The following SLC28A1 variants were observed in gnomAD, a reference collection of about 807,000 sequenced individuals.
SLC28A1 encodes sodium/nucleoside cotransporter 1.
A neutral mutation model predicts 74.8 loss-of-function variants in SLC28A1; 64 were observed. The ratio of observed to expected loss-of-function variants is 0.86; its 90% CI spans 0.70 to 1.05. The LOEUF is 1.05. Ranked by LOEUF, SLC28A1 falls within the 50% of genes least tolerant of loss-of-function variation. SLC28A1 has a pLI of 0.00. For synonymous variants in SLC28A1, 359 were observed against 335.0 expected, an observed-to-expected ratio of 1.07 and a Z score of -0.78; for missense variants, 828 against 822.8, an observed-to-expected ratio of 1.01 and a Z score of -0.08.
At chr15:84,885,442 G>A (rs147717258) in intron 1 of SLC28A1, among the ~76,000 whole-genome samples, 4 of 151,806 alleles carry the variant, frequency 2.6e-5, no homozygotes, top group African/African-American at 9.7e-5. Flanking sequence ...AAAAAAAAGT[G>A]GAGAAAAGGC....
chr15:84,946,216 A>G (rs775825642), downstream of SLC28A1, among the ~76,000 whole-genome samples: 17 of 143,714 alleles, frequency 1.2e-4, no homozygotes, highest in East Asian at 2.1e-4. Context: ...TGGCTTCCCA[A>G]TGTGTTGGGA....
chr15:84,959,179 T>G, the SLC28A1 span, among the ~76,000 whole-genome samples: 1 of 151,526 alleles, frequency 6.6e-6, no homozygotes, highest in Non-Finnish European at 1.5e-5. Flanking sequence ...TCACAGCTCA[T>G]TGCAGCCTCG....
At chr15:84,885,257 CCT>C (rs1265186314) in intron 1 of SLC28A1, among the ~76,000 whole-genome samples, 2 of 151,142 alleles carry the variant, frequency 1.3e-5, no homozygotes, top group Non-Finnish European at 2.9e-5. Context: ...CCGTGCCCCC[CCT>C]CTTTTTTTTT....
Position 84,890,464 on chromosome 15 carries a change from G to C in SLC28A1, c.207G>C (p.Leu69=). 1 of 1,610,002 alleles carries C rather than the reference G, an allele frequency of 6.2e-7. No homozygotes were observed. Among genetic ancestry groups the C allele is most frequent in the Non-Finnish European group, 8.5e-7 (1 of 1,179,212 alleles). ...FSRWRNLQPA[L]RARSFCREHM... ...CCAGGAGGAACCTGCAGCCAGCCCT[G>C]AGAGCCAGAAGCTTCTGCAGGGAGC... Residue 69 remains leucine, a synonymous_variant, in exon 5 of 19, where the codon CTG becomes CTC. Transcript: ENST00000394573.
rs1567172446 is a variant in SLC28A1 at position 84,928,589 on chromosome 15, TCTTTCTTTCTTTC to T, written c.1083+4480_1083+4492del. ...TTCTTTCTTTCTTTCTTTCTTTCTT[TCTTTCTTTCTTTC>T]TTTTCTTTCTTTCTTTTCTTTCTTT... On this transcript the variant is annotated intron_variant, in intron 12 of 18. Transcript: ENST00000394573. Among the ~76,000 whole-genome samples the T allele has an allele frequency of 6.9e-3, 132 of 19,228 alleles. 22 individuals carry two copies. Among genetic ancestry groups the T allele is most frequent in the African/African-American group, 0.046 (116 of 2,498 alleles). 12.6% of individuals were successfully genotyped at this position (19,228 alleles called of 152,430 possible). A position where few individuals can be genotyped will look rare whatever the true frequency, so the allele number is the denominator to read the frequency against.
intron 15 of SLC28A1, 42 bp downstream of exon 15, chr15:84,935,560 G>C: frequency 6.4e-7 from 1 of 1,555,886 alleles, no homozygotes; most frequent in African/African-American, 1.3e-5. Flanking sequence ...GGGATGACAC[G>C]GCACAGCCAC....
chr15:84,930,002 T>A (rs1260185133), intron 12 of SLC28A1, among the ~76,000 whole-genome samples: 1 of 152,216 alleles, frequency 6.6e-6, no homozygotes, highest in African/African-American at 2.4e-5. Flanking sequence ...GGGTGTGGGC[T>A]GGCCCAGTGC....
At chr15:84,923,256 C>G (rs1970066521) in intron 11 of SLC28A1, among the ~76,000 whole-genome samples, 1 of 152,070 alleles carries the variant, frequency 6.6e-6, no homozygotes, top group Non-Finnish European at 1.5e-5. Context: ...TTTAAACACC[C>G]CTAACCAGTA....
intron 6 of SLC28A1, among the ~76,000 whole-genome samples, chr15:84,903,810 C>A (rs1353158334): frequency 6.6e-6 from 1 of 152,112 alleles, no homozygotes; most frequent in African/African-American, 2.4e-5. Flanking sequence ...TACATATATC[C>A]CCTTATATAA....
At position 84,884,685 on chromosome 15, in the gene SLC28A1, G is replaced by A. The variant is rs930097331; in HGVS notation, c.-199G>A. 1.1e-5 allele frequency: 11 copies of A among 984,796 alleles called. No homozygotes were observed. The African/African-American group carries it at 1.9e-4, about 17-fold the overall frequency. The allele number at this position is 984,796 out of a possible 1,614,324, so 61.0% of individuals were successfully genotyped here. A position where few individuals can be genotyped will look rare whatever the true frequency, so the allele number is the denominator to read the frequency against. On this transcript the variant is annotated 5_prime_UTR_variant, in exon 1 of 19. Transcript: ENST00000394573. ...CACAACGATGTGAAGGTTATAAGCT[G>A]CACTGCATGGTTGCTGCTGGATGTG... is the stretch of plus-strand genomic sequence containing the variant.
At chr15:84,921,113 C>A (rs1326505933) in intron 11 of SLC28A1, 44 bp downstream of exon 11, 1 of 1,446,574 alleles carries the variant, frequency 6.9e-7, no homozygotes. Context: ...CAGCAGCTTC[C>A]CCAAAGAGGG....
intron 5 of SLC28A1, among the ~76,000 whole-genome samples, chr15:84,894,542 C>T (rs1200205897): frequency 6.6e-6 from 1 of 152,146 alleles, no homozygotes; most frequent in African/African-American, 2.4e-5. Context: ...AGTCCGAGCA[C>T]ACATGTGTAA....
chr15:84,934,924 T>C, intron 13 of SLC28A1, 102 bp from the exon 14 acceptor site: 2 of 1,003,412 alleles, frequency 2.0e-6, no homozygotes, highest in Non-Finnish European at 1.6e-6. Flanking sequence ...GATTTCCCGC[T>C]CTGAAATGCT....
At chr15:84,961,211 C>T in the SLC28A1 span, among the ~76,000 whole-genome samples, 1 of 152,088 alleles carries the variant, frequency 6.6e-6, no homozygotes, top group Non-Finnish European at 1.5e-5. Context: ...CAGCCTGCCT[C>T]TTTTGAGAAC....
rs1966437006 is a variant in SLC28A1 at position 84,899,940 on chromosome 15, A to AAGGAAGGAAGGAAGGAAGGAAGG, written c.462-4156_462-4155insGGAAGGAAGGAAGGAAGGAAGGA. 2.3e-4 allele frequency among the ~76,000 whole-genome samples: 32 copies of AAGGAAGGAAGGAAGGAAGGAAGG among 136,924 alleles called. No individual in the cohort carries two copies. In the South Asian group the frequency reaches 5.0e-3, roughly 21 times the overall value. The allele number at this position is 136,924 out of a possible 152,430, so 89.8% of individuals were successfully genotyped here. A position where few individuals can be genotyped will look rare whatever the true frequency, so the allele number is the denominator to read the frequency against. On this transcript the variant is annotated intron_variant, in intron 6 of 18. Transcript: ENST00000394573. ...GAGGGAAAGAGGGAAAGAAAGAAAG[A>AAGGAAGGAAGGAAGGAAGGAAGG]AAGGAAGGAAGGAAGGAAGGAAGGA...
chr15:84,974,490 G>A, the SLC28A1 span, among the ~76,000 whole-genome samples: 1 of 152,310 alleles, frequency 6.6e-6, no homozygotes, highest in Non-Finnish European at 1.5e-5. Flanking sequence ...CGATGCTAAT[G>A]CCAACCTGGC....
chr15:84,916,240 C>CAGGTGTGACCCACCATGCCTGCCCTTT (rs1555449976), intron 9 of SLC28A1, among the ~76,000 whole-genome samples: 1 of 98,424 alleles, frequency 1.0e-5, no homozygotes, highest in Admixed American at 9.8e-5. Flanking sequence ...GCTGGGATTA[C>CAGGTGTGACCCACCATGCCTGCCCTTT]TTTTTTTTTT....
chr15:84,890,162 G>C (rs951478563), intron 4 of SLC28A1, among the ~76,000 whole-genome samples: 4 of 152,186 alleles, frequency 2.6e-5, no homozygotes, highest in Admixed American at 2.0e-4. Flanking sequence ...ATGTTGATGA[G>C]GTTCTGCCTT....
intron 7 of SLC28A1, among the ~76,000 whole-genome samples, chr15:84,905,101 G>A (rs550384123): frequency 3.9e-5 from 6 of 152,308 alleles, no homozygotes; most frequent in Admixed American, 1.3e-4. Flanking sequence ...GGAGAGAGTC[G>A]GGGTCGAGGC....
Sources: gnomAD v4.1 joint callset for allele counts (sites outside exome capture counted in the v4.1 genomes callset) on GRCh38, gnomAD v4.1.1 for gene constraint, MANE v1.5 for transcripts, NCBI Gene and HGNC (gene_info 2026-07-23, HGNC 2026-07-21) for gene names.